Variants in RIPPLY1 observed in about 807,000 individuals in gnomAD.
The protein encoded by RIPPLY1 is protein ripply1.
In RIPPLY1, 10 loss-of-function variants were observed where a neutral mutation model predicts 8.7. The observed-to-expected ratio is 1.15, with a 90% CI of 0.71 to 1.94. The LOEUF (loss-of-function observed/expected upper bound fraction) is 1.94, where lower values mean the gene tolerates loss of function less well. RIPPLY1 is among the 30% of genes most tolerant of loss of function. RIPPLY1 has a pLI of 0.00. For missense variants in RIPPLY1, 118 were observed against 108.7 expected, an observed-to-expected ratio of 1.09 and a Z score of -0.38; for synonymous variants, 54 against 44.8, an observed-to-expected ratio of 1.20 and a Z score of -0.82.
At position 106,901,478 on chromosome X, in the gene RIPPLY1, C is replaced by G; in HGVS notation, c.292G>C (p.Val98Leu). ...AGCTTCATGCCAGAAGCTTACCTGA[C>G]AGGGTGATGGAACTTGGATTCAGCC... ...TKAESKFHHPVRLFWPKSRSF... is the reference protein window; with the variant it reads ...TKAESKFHHPLRLFWPKSRSF... The change falls in exon 3 of 4, where the codon GTC becomes CTC. Residue 98 changes from valine to leucine, a missense_variant. Physicochemically the swap from Val to Leu is conservative, Grantham distance 32. Transcript: ENST00000276173. 1.7e-6 allele frequency: 2 copies of G among 1,211,037 alleles called. No homozygotes were observed. Among genetic ancestry groups the G allele is most frequent in the Non-Finnish European group, 2.2e-6 (2 of 894,816 alleles).
In RIPPLY1 at chrX:106,900,519, G is replaced by T; in HGVS notation, c.*230C>A. ...AGGCCATTCAGGTAAGCCAGGGTGA[G>T]CTGGGCAGCTAGATGACCCAATTTT... On this transcript the variant is annotated 3_prime_UTR_variant, in exon 4 of 4. Coordinates refer to ENST00000276173, the MANE Select transcript of RIPPLY1 (RefSeq NM_138382.3). 2.3e-6 allele frequency: 1 copy of T among 443,280 alleles called. No homozygotes were observed. Among genetic ancestry groups the T allele is most frequent in the Non-Finnish European group, 3.5e-6 (1 of 282,669 alleles). 36.5% of individuals were successfully genotyped at this position (443,280 alleles called of 1,213,427 possible). A position where few individuals can be genotyped will look rare whatever the true frequency, so the allele number is the denominator to read the frequency against.
At chrX:106,902,569 G>A (rs1480409222) in intron 1 of RIPPLY1, among the ~76,000 whole-genome samples, 1 of 111,547 alleles carries the variant, frequency 9.0e-6, no homozygotes, top group Non-Finnish European at 1.9e-5. Flanking sequence ...ATGAGTGGGG[G>A]CTAGATGGAA....
chrX:106,903,330 C>A lies in RIPPLY1; in HGVS notation c.-43G>T, dbSNP rs778466499. Reference sequence around the variant, plus strand: ...CAGTGGGGTCTCCTACTTCCCAGAACCTTCTGCACTCTTTTGGCTTTTCCT... The same window carrying A: ...CAGTGGGGTCTCCTACTTCCCAGAAACTTCTGCACTCTTTTGGCTTTTCCT... On this transcript the variant is annotated 5_prime_UTR_variant, in exon 1 of 4. Coordinates refer to ENST00000276173, the MANE Select transcript of RIPPLY1 (RefSeq NM_138382.3). 2 of 1,138,349 alleles carry A rather than the reference C, an allele frequency of 1.8e-6. No individual in the cohort carries two copies. The highest frequency in any genetic ancestry group is 3.6e-5 in the African/African-American group (2 of 54,956). The allele number at this position is 1,138,349 out of a possible 1,213,427, so 93.8% of individuals were successfully genotyped here. A position where few individuals can be genotyped will look rare whatever the true frequency, so the allele number is the denominator to read the frequency against.
intron 3 of RIPPLY1, 66 bp downstream of exon 3, chrX:106,901,408 C>T: frequency 9.7e-7 from 1 of 1,030,776 alleles, no homozygotes; most frequent in South Asian, 1.9e-5. Flanking sequence ...CTTCACAAGA[C>T]CTTTGTGAAG....
chrX:106,900,243 T>C lies in RIPPLY1; in HGVS notation c.*506A>G, dbSNP rs1411602720. 1.8e-5 allele frequency: 2 copies of C among 113,218 alleles called. No individual in the cohort carries two copies. Among genetic ancestry groups the C allele is most frequent in the Non-Finnish European group, 3.7e-5 (2 of 54,008 alleles). 9.3% of individuals were successfully genotyped at this position (113,218 alleles called of 1,213,427 possible). ...AAAAGGCACCCCAACCTTGCATGGATCTGCTGTTGGTATTCCTTGGGGTGA... is the reference window on the plus strand; with the variant it reads ...AAAAGGCACCCCAACCTTGCATGGACCTGCTGTTGGTATTCCTTGGGGTGA... On this transcript the variant is annotated 3_prime_UTR_variant, in exon 4 of 4. Transcript: ENST00000276173.
At chrX:106,901,168 C>T (rs1467278700) in intron 3 of RIPPLY1, among the ~76,000 whole-genome samples, 1 of 112,264 alleles carries the variant, frequency 8.9e-6, no homozygotes, top group African/African-American at 3.2e-5. Context: ...GCTCTGACTC[C>T]ACCTGCTACC....
chrX:106,900,713 C>T lies in RIPPLY1; in HGVS notation c.*36G>A. Reference sequence around the variant, plus strand: ...CGCTGTAGGGTATGGACCCTGGTACCCTCACACACCCTTCTGGCCCCTTTT... The same window carrying T: ...CGCTGTAGGGTATGGACCCTGGTACTCTCACACACCCTTCTGGCCCCTTTT... On this transcript the variant is annotated 3_prime_UTR_variant, in exon 4 of 4. Transcript: ENST00000276173. 1 of 1,179,913 alleles carries T rather than the reference C, an allele frequency of 8.5e-7. No homozygotes were observed. Among genetic ancestry groups the T allele is most frequent in the Non-Finnish European group, 1.1e-6 (1 of 879,471 alleles).
rs369978585 is a variant in RIPPLY1, at chrX:106,900,904, A to G, written c.301T>C (p.Phe101Leu). Reference sequence around the variant, plus strand: ...TCGAAGGAGCGGGATTTAGGCCAGAAGAGCCTGTGGACAGAGAAGAAACAT... The same window carrying G: ...TCGAAGGAGCGGGATTTAGGCCAGAGGAGCCTGTGGACAGAGAAGAAACAT... ...ESKFHHPVRLFWPKSRSFDYL... is the reference protein window; with the variant it reads ...ESKFHHPVRLLWPKSRSFDYL... The change falls in exon 4 of 4, where the codon TTC becomes CTC. Residue 101 changes from phenylalanine (F) to leucine (L), a missense_variant. By Grantham distance (22) the Phe-to-Leu change is conservative. Transcript: ENST00000276173. 12 of 1,208,673 alleles carry G rather than the reference A, an allele frequency of 9.9e-6. No homozygotes were observed. Among genetic ancestry groups the G allele is most frequent in the East Asian group, 8.9e-5 (3 of 33,736 alleles).
At position 106,900,307 on chromosome X, in the gene RIPPLY1, A is replaced by T. The variant is rs1933070412; in HGVS notation, c.*442T>A. The T allele has an allele frequency of 8.7e-6, 1 of 114,626 alleles. No homozygotes were observed. Among genetic ancestry groups the T allele is most frequent in the African/African-American group, 3.3e-5 (1 of 30,635 alleles). The allele number at this position is 114,626 out of a possible 1,213,427, so 9.4% of individuals were successfully genotyped here. The stretch of plus-strand genomic sequence containing the variant: ...GCTTTCCACAGAGAGACGGGACTAC[A>T]TGGCCACCTGGGAAGGCTAGGGAGT... On this transcript the variant is annotated 3_prime_UTR_variant, in exon 4 of 4. Coordinates refer to ENST00000276173, the MANE Select transcript of RIPPLY1 (RefSeq NM_138382.3).
In RIPPLY1 at chrX:106,900,596, T is replaced by C; in HGVS notation, c.*153A>G. The C allele has an allele frequency of 1.0e-6, 1 of 967,835 alleles. No homozygotes were observed. The highest frequency in any genetic ancestry group is 1.4e-6 in the Non-Finnish European group (1 of 734,192). The allele number at this position is 967,835 out of a possible 1,213,427, so 79.8% of individuals were successfully genotyped here. On this transcript the variant is annotated 3_prime_UTR_variant, in exon 4 of 4. Transcript: ENST00000276173. ...CTAATACTTCCGGCTAACTGATGTC[T>C]GTGAAAACTTGCCAGACAAACTGAA...
Position 106,900,551 on chromosome X carries a change from A to G in RIPPLY1, c.*198T>C. ...AGCTAGATGACCCAATTTTCAGTCC[A>G]GAAAGCTCTATCTGCTGGACTAATA... On this transcript the variant is annotated 3_prime_UTR_variant, in exon 4 of 4. Transcript: ENST00000276173. 8.0e-6 allele frequency: 6 copies of G among 749,427 alleles called. No homozygotes were observed. Among genetic ancestry groups the G allele is most frequent in the Non-Finnish European group, 1.1e-5 (6 of 549,241 alleles). 61.8% of individuals were successfully genotyped at this position (749,427 alleles called of 1,213,427 possible).
chrX:106,902,330 TTTCC>T, intron 1 of RIPPLY1, 115 bp from the exon 2 acceptor site: 1 of 554,855 alleles, frequency 1.8e-6, no homozygotes, highest in Non-Finnish European at 3.0e-6. Flanking sequence ...CCAGGAAGCC[TTTCC>T]TAAGGCTCCT....
chrX:106,902,013 A>G, intron 2 of RIPPLY1, 127 bp downstream of exon 2: 1 of 526,584 alleles, frequency 1.9e-6, no homozygotes, highest in South Asian at 3.3e-5. Flanking sequence ...AATGTTGGCA[A>G]AACTGTGAGG....
rs768305648 is a variant in RIPPLY1, at chrX:106,903,153, T to C, written c.135A>G (p.Gln45=). Residue 45 remains glutamine, a synonymous_variant, in exon 1 of 4, where the codon CAA becomes CAG. Coordinates refer to ENST00000276173, the MANE Select transcript of RIPPLY1 (RefSeq NM_138382.3). ...CTTACCTTTCACTCCCATTTACTTC[T>C]TGTCCAGAGGAGAGAAGGCAAGATG... ...LSPSCLLSSG[Q]EVNGSERGTC... is the part of the protein sequence containing the mutation. 2.6e-5 allele frequency: 31 copies of C among 1,209,979 alleles called. No homozygotes were observed. The highest frequency in any genetic ancestry group is 3.4e-5 in the Non-Finnish European group (30 of 894,992).
chrX:106,900,693 T>C lies in RIPPLY1; in HGVS notation c.*56A>G. 1 of 1,159,971 alleles carries C rather than the reference T, an allele frequency of 8.6e-7. No individual in the cohort carries two copies. The highest frequency in any genetic ancestry group is 1.2e-6 in the Non-Finnish European group (1 of 869,167). On this transcript the variant is annotated 3_prime_UTR_variant, in exon 4 of 4. Transcript: ENST00000276173. ...GGAAGGGGGATGAGCTGTGGCGCTG[T>C]AGGGTATGGACCCTGGTACCCTCAC...
In RIPPLY1 at chrX:106,900,294, G is replaced by C. The variant is rs16987078; in HGVS notation, c.*455C>G. Reference sequence around the variant, plus strand: ...AGCCAGAAGTCAGGCTTTCCACAGAGAGACGGGACTACATGGCCACCTGGG... The same window carrying C: ...AGCCAGAAGTCAGGCTTTCCACAGACAGACGGGACTACATGGCCACCTGGG... On this transcript the variant is annotated 3_prime_UTR_variant, in exon 4 of 4. Coordinates refer to ENST00000276173, the MANE Select transcript of RIPPLY1 (RefSeq NM_138382.3). The C allele has an allele frequency of 0.063, 7,185 of 113,888 alleles. 578 individuals are homozygous for C. The highest frequency in any genetic ancestry group is 0.22 in the African/African-American group (6,822 of 30,519). 9.4% of individuals were successfully genotyped at this position (113,888 alleles called of 1,213,427 possible).
At position 106,901,675 on chromosome X, in the gene RIPPLY1, A is replaced by G. The variant is rs147935658; in HGVS notation, c.232-137T>C. On this transcript the variant is annotated intron_variant, in intron 2 of 3. Transcript: ENST00000276173. ...CATCTCTGGGACCCAGCAACCCCCA[A>G]TACCCACCCCTCAACAAGGGGTCTC... The G allele has an allele frequency of 9.3e-4, 495 of 534,453 alleles. 5 individuals are homozygous for G. In the African/African-American group the frequency reaches 9.8e-3, roughly 11 times the overall value. The allele number at this position is 534,453 out of a possible 1,213,427, so 44.0% of individuals were successfully genotyped here.
At position 106,901,505 on chromosome X, in the gene RIPPLY1, T is replaced by C. The variant is rs769049678; in HGVS notation, c.265A>G (p.Lys89Glu). Reference sequence around the variant, plus strand: ...GGGTGATGGAACTTGGATTCAGCCTTGGTGACCTCAGCAGCCGTTGCCCCA... The same window carrying C: ...GGGTGATGGAACTTGGATTCAGCCTCGGTGACCTCAGCAGCCGTTGCCCCA... ...AGGATAAEVT[K>E]AESKFHHPVR... The change falls in exon 3 of 4, where the codon AAG (lysine) becomes GAG (glutamate). Residue 89 changes from lysine to glutamate, a missense_variant. Lys to Glu is a moderately conservative substitution (Grantham distance 56). Coordinates refer to ENST00000276173, the MANE Select transcript of RIPPLY1 (RefSeq NM_138382.3). The C allele has an allele frequency of 1.2e-5, 15 of 1,209,927 alleles. No homozygotes were observed. Among genetic ancestry groups the C allele is most frequent in the Non-Finnish European group, 1.7e-5 (15 of 895,098 alleles).
rs772560741 is a variant in RIPPLY1 at position 106,900,712 on chromosome X, C to T, written c.*37G>A. On this transcript the variant is annotated 3_prime_UTR_variant, in exon 4 of 4. Transcript: ENST00000276173. ...GCGCTGTAGGGTATGGACCCTGGTA[C>T]CCTCACACACCCTTCTGGCCCCTTT... 12 of 1,176,560 alleles carry T rather than the reference C, an allele frequency of 1.0e-5. No individual in the cohort carries two copies. The African/African-American group carries it at 2.1e-4, about 21-fold the overall frequency.
Sources: allele counts gnomAD v4.1 joint callset (sites outside exome capture counted in the v4.1 genomes callset), GRCh38; gene constraint gnomAD v4.1.1; transcripts MANE v1.5; gene names NCBI Gene and HGNC (gene_info 2026-07-23, HGNC 2026-07-21).